Variants in ATAD5 observed in about 807,000 individuals in gnomAD.
ATAD5 encodes the protein ATPase family AAA domain-containing protein 5.
Under a neutral mutation model 176.9 loss-of-function variants are expected in ATAD5, and 58 were observed. The observed-to-expected ratio is 0.33, with a 90% CI of 0.27 to 0.41. The LOEUF is 0.41. ATAD5 is among the 10% of genes least tolerant of loss of function. The pLI, the probability that ATAD5 is intolerant of heterozygous loss-of-function variation, is 1.00. For synonymous variants in ATAD5, 640 were observed against 712.6 expected (o/e 0.90, Z 1.62); for missense variants, 1,789 against 2,094.1 (o/e 0.85, Z 2.84).
intron 10 of ATAD5, chr17:30,863,124 A>C (rs1325384406): frequency 6.6e-6 from 1 of 152,288 alleles, no homozygotes; most frequent in East Asian, 1.9e-4. Context: ...CTTGAGGTTA[A>C]GGCTGCAGTG....
intron 11 of ATAD5, 59 bp downstream of exon 11, chr17:30,865,859 G>C: frequency 1.7e-6 from 2 of 1,165,050 alleles, no homozygotes; most frequent in South Asian, 3.2e-5. Context: ...TACTGTTTTT[G>C]TTTCGAAATT....
intron 6 of ATAD5, among the ~76,000 whole-genome samples, chr17:30,847,175 T>C (rs1261138344): frequency 6.6e-6 from 1 of 152,232 alleles, no homozygotes; most frequent in African/African-American, 2.4e-5. Context: ...TCTGTTGGTA[T>C]AGACTAGTTT....
intron 17 of ATAD5, among the ~76,000 whole-genome samples, chr17:30,878,558 T>C (rs1247366608): frequency 6.6e-6 from 1 of 152,048 alleles, no homozygotes; most frequent in Admixed American, 6.6e-5. Context: ...CTCATTCAAT[T>C]TCTTTTTCAA....
At chr17:30,849,767 G>A (rs1452831952) in intron 6 of ATAD5, among the ~76,000 whole-genome samples, 3 of 152,030 alleles carry the variant, frequency 2.0e-5, no homozygotes, top group Non-Finnish European at 4.4e-5. Flanking sequence ...GTTTGATGAC[G>A]TCCAGTTTAT....
intron 15 of ATAD5, 68 bp from the exon 16 acceptor site, chr17:30,877,348 C>T (rs1331183297): frequency 4.6e-6 from 5 of 1,095,060 alleles, no homozygotes; most frequent in Non-Finnish European, 4.0e-6. Flanking sequence ...TGAGCTTATT[C>T]TGTGGACATA....
intron 6 of ATAD5, among the ~76,000 whole-genome samples, chr17:30,845,635 A>C (rs1440150664): frequency 6.6e-6 from 1 of 152,182 alleles, no homozygotes; most frequent in African/African-American, 2.4e-5. Context: ...TTATCATTAT[A>C]TTAAGAGCAA....
Position 30,857,163 on chromosome 17 carries a change from A to G in ATAD5, c.2793+51A>G, listed in dbSNP as rs758517798. On this transcript the variant is annotated intron_variant, in intron 8 of 22. Coordinates refer to ENST00000321990, the MANE Select transcript of ATAD5 (RefSeq NM_024857.5). Reference sequence around the variant, plus strand: ...GTAGAGTGTTTCCCTTACATCTTGCAGAGGAAAAACATTTTTGGATATCTA... The same window carrying G: ...GTAGAGTGTTTCCCTTACATCTTGCGGAGGAAAAACATTTTTGGATATCTA... The G allele has an allele frequency of 2.6e-6, 4 of 1,541,256 alleles. No homozygotes were observed. In the African/African-American group the frequency reaches 5.7e-5, roughly 22 times the overall value.
intron 18 of ATAD5, among the ~76,000 whole-genome samples, chr17:30,884,399 A>C (rs982610911): frequency 7.5e-6 from 1 of 133,142 alleles, no homozygotes; most frequent in African/African-American, 2.9e-5. Flanking sequence ...ACAGTGTTTT[A>C]CTTGCATTAT....
chr17:30,894,759 T>G, intron 22 of ATAD5, 37 bp downstream of exon 22: 1 of 1,568,144 alleles, frequency 6.4e-7, no homozygotes, highest in Non-Finnish European at 8.6e-7. Flanking sequence ...TTAGATAGCT[T>G]TTTCAAGATT....
At chr17:30,833,212 T>C (rs918208739) in intron 1 of ATAD5, among the ~76,000 whole-genome samples, 2 of 152,170 alleles carry the variant, frequency 1.3e-5, no homozygotes, top group East Asian at 1.9e-4. Flanking sequence ...TTAGTTGTTA[T>C]GCTGATATTC....
chr17:30,894,176 A>T, intron 21 of ATAD5, 26 bp downstream of exon 21: 1 of 1,487,854 alleles, frequency 6.7e-7, no homozygotes. Flanking sequence ...TTTACTTTTT[A>T]TTTTTTGGTA....
At chr17:30,869,674 A>G (rs1908227256) in intron 14 of ATAD5, 28 bp downstream of exon 14, 7 of 1,556,422 alleles carry the variant, frequency 4.5e-6, no homozygotes, top group Non-Finnish European at 6.0e-6. Context: ...CTTAAGCCAT[A>G]ATGTTTTGAA....
intron 6 of ATAD5, among the ~76,000 whole-genome samples, chr17:30,850,843 A>ATT (rs1906859019): frequency 5.1e-5 from 1 of 19,576 alleles, no homozygotes; most frequent in Non-Finnish European, 1.1e-4. Flanking sequence ...TTATATATAT[A>ATT]TATATATATA....
At chr17:30,881,916 C>CA (rs1909040239) in intron 18 of ATAD5, among the ~76,000 whole-genome samples, 1 of 150,616 alleles carries the variant, frequency 6.6e-6, no homozygotes, top group African/African-American at 2.4e-5. Flanking sequence ...CTGTCCCCCC[C>CA]CCAAAAAAAT....
intron 16 of ATAD5, 122 bp from the exon 17 acceptor site, chr17:30,877,881 G>A (rs1908765885): frequency 1.4e-6 from 1 of 709,692 alleles, no homozygotes; most frequent in Admixed American, 3.3e-5. Flanking sequence ...CTTTCAACAT[G>A]AGCTGAATTC....
chr17:30,848,876 CT>C (rs983783271), intron 6 of ATAD5, among the ~76,000 whole-genome samples: 3 of 151,608 alleles, frequency 2.0e-5, no homozygotes, highest in African/African-American at 7.3e-5. Flanking sequence ...TTTTTCTTTT[CT>C]TTTTTTGTTT....
Position 30,894,937 on chromosome 17 carries a change from T to C in ATAD5, c.*24T>C, listed in dbSNP as rs1909833252. ...AATGTTCCATACTAACAATGCTTTG[T>C]ATAGATTATCATGTGGTCCTTAAGA... On this transcript the variant is annotated 3_prime_UTR_variant, in exon 23 of 23. Coordinates refer to ENST00000321990, the MANE Select transcript of ATAD5 (RefSeq NM_024857.5). The C allele has an allele frequency of 6.6e-7, 1 of 1,508,678 alleles. No homozygotes were observed. The highest frequency in any genetic ancestry group is 9.0e-7 in the Non-Finnish European group (1 of 1,112,492). 93.5% of individuals were successfully genotyped at this position (1,508,678 alleles called of 1,614,324 possible).
Position 30,835,781 on chromosome 17 carries a change from T to C in ATAD5, c.1700T>C (p.Ile567Thr). 1.9e-6 allele frequency: 3 copies of C among 1,613,592 alleles called. No individual in the cohort carries two copies. Among genetic ancestry groups the C allele is most frequent in the Non-Finnish European group, 2.5e-6 (3 of 1,179,866 alleles). The stretch of plus-strand genomic sequence containing the variant: ...AATAAATTGTCAAGAAAAACCAGCA[T>C]ACCAGTTAAAGATATTAAGCTTACA... ...NNNKLSRKTS[I>T]PVKDIKLTQS... The change falls in exon 2 of 23, where the codon ATA (isoleucine) becomes ACA (threonine). Residue 567 changes from isoleucine (I) to threonine (T), a missense_variant. By Grantham distance (89) the Ile-to-Thr change is moderately conservative. Transcript: ENST00000321990.
rs552039836 is a variant in ATAD5, at chr17:30,847,316, C to CTATATA, written c.2450+2407_2450+2412dup. On this transcript the variant is annotated intron_variant, in intron 6 of 22. Coordinates refer to ENST00000321990, the MANE Select transcript of ATAD5 (RefSeq NM_024857.5). Reference sequence around the variant, plus strand: ...AAGTAGTACTCATATGAATATGCCGCTATATATATATAGAGAGAGAGAGAG... The same window carrying CTATATA: ...AAGTAGTACTCATATGAATATGCCGCTATATATATATATATATAGAGAGAGAGAGAG... Among the ~76,000 whole-genome samples, 402 of 150,334 alleles carry CTATATA rather than the reference C, an allele frequency of 2.7e-3. 2 individuals are homozygous for CTATATA. The highest frequency in any genetic ancestry group is 9.4e-3 in the African/African-American group (379 of 40,514).
Sources: allele counts gnomAD v4.1 joint callset (sites outside exome capture counted in the v4.1 genomes callset), GRCh38; gene constraint gnomAD v4.1.1; transcripts MANE v1.5; gene names NCBI Gene and HGNC (gene_info 2026-07-23, HGNC 2026-07-21).